The following PCSK2 variants were observed in gnomAD, a reference collection of about 807,000 sequenced individuals.
PCSK2 encodes neuroendocrine convertase 2.
In PCSK2, 14 loss-of-function variants were observed where a neutral mutation model predicts 69.7. The observed-to-expected ratio is 0.20, with a 90% CI of 0.13 to 0.31. The LOEUF is 0.31. Among genes scored for constraint, PCSK2 ranks in the 10% least tolerant of loss-of-function variants. The probability of loss-of-function intolerance (pLI) is 1.00; values close to 1 mark genes in which losing one functional copy is unlikely to be tolerated. For synonymous variants in PCSK2, 307 were observed against 320.7 expected, an observed-to-expected ratio of 0.96 and a Z score of 0.46; for missense variants, 544 against 842.5, an observed-to-expected ratio of 0.65 and a Z score of 4.39.
chr20:17,476,245 ACT>A (rs2033287023), intron 11 of PCSK2, among the ~76,000 whole-genome samples: 1 of 151,932 alleles, frequency 6.6e-6, no homozygotes, highest in East Asian at 1.9e-4. Flanking sequence ...AGGCCAAGAG[ACT>A]CTCTGCCTGT....
intron 9 of PCSK2, among the ~76,000 whole-genome samples, chr20:17,455,924 A>G (rs950338584): frequency 2.6e-5 from 4 of 152,312 alleles, no homozygotes; most frequent in South Asian, 4.1e-4. Context: ...TTTCATCTTA[A>G]TCTTCTTGGG....
At chr20:17,385,657 C>T (rs2031214866) in intron 5 of PCSK2, among the ~76,000 whole-genome samples, 1 of 152,136 alleles carries the variant, frequency 6.6e-6, no homozygotes, top group African/African-American at 2.4e-5. Flanking sequence ...GGGATTCCTC[C>T]AAAAGCTGAC....
At chr20:17,422,485 T>C (rs773566085) in intron 6 of PCSK2, among the ~76,000 whole-genome samples, 7 of 152,174 alleles carry the variant, frequency 4.6e-5, no homozygotes, top group Non-Finnish European at 7.3e-5. Flanking sequence ...AGATATCATA[T>C]CAAATTAATA....
At chr20:17,392,157 CT>C (rs1463637187) in intron 5 of PCSK2, among the ~76,000 whole-genome samples, 1 of 152,130 alleles carries the variant, frequency 6.6e-6, no homozygotes, top group Non-Finnish European at 1.5e-5. Context: ...GAGTCAAACA[CT>C]TTCTAAACTC....
intron 10 of PCSK2, chr20:17,464,460 C>G (rs2033065584): frequency 6.6e-6 from 1 of 152,146 alleles, no homozygotes; most frequent in Admixed American, 6.5e-5. Flanking sequence ...CCTTGAAGAA[C>G]TGGTACCCTC....
intron 2 of PCSK2, among the ~76,000 whole-genome samples, chr20:17,323,380 C>T (rs890690311): frequency 6.6e-6 from 1 of 152,162 alleles, no homozygotes; most frequent in Non-Finnish European, 1.5e-5. Flanking sequence ...ATGCCAACAC[C>T]TTGATCTCGG....
At chr20:17,276,808 C>A (rs915199386) in intron 2 of PCSK2, among the ~76,000 whole-genome samples, 1 of 152,002 alleles carries the variant, frequency 6.6e-6, no homozygotes, top group Non-Finnish European at 1.5e-5. Context: ...TGATTGTATA[C>A]CTAGAAAACC....
intron 2 of PCSK2, among the ~76,000 whole-genome samples, chr20:17,268,064 A>ATATATATATATATATAG (rs1987702749): frequency 7.0e-5 from 6 of 86,110 alleles, no homozygotes; most frequent in Admixed American, 5.8e-4. Context: ...TATATATATA[A>ATATATATATATATATAG]TGCATTTATA....
chr20:17,267,693 G>T (rs910811970), intron 2 of PCSK2, among the ~76,000 whole-genome samples: 4 of 152,080 alleles, frequency 2.6e-5, no homozygotes, highest in Non-Finnish European at 5.9e-5. Context: ...TAAATGATGG[G>T]TACTGTTCGT....
At chr20:17,379,823 C>A (rs2031038512) in intron 5 of PCSK2, among the ~76,000 whole-genome samples, 1 of 152,180 alleles carries the variant, frequency 6.6e-6, no homozygotes, top group Admixed American at 6.5e-5. Context: ...GAAAGACTAT[C>A]CTGGGTGGGC....
chr20:17,459,702 A>T (rs530807862), intron 10 of PCSK2, among the ~76,000 whole-genome samples: 4 of 152,322 alleles, frequency 2.6e-5, no homozygotes, highest in Admixed American at 2.6e-4. Context: ...AAGTTTTTTA[A>T]AAAATACATT....
chr20:17,439,532 A>G (rs1231091816), intron 8 of PCSK2, among the ~76,000 whole-genome samples: 1 of 152,160 alleles, frequency 6.6e-6, no homozygotes, highest in Non-Finnish European at 1.5e-5. Flanking sequence ...AAGCCTCTGA[A>G]TGCTAGGCAA....
At position 17,246,813 on chromosome 20, in the gene PCSK2, G is replaced by C. The variant is rs550236273; in HGVS notation, c.178-13427G>C. The stretch of plus-strand genomic sequence containing the variant: ...AATAATTCTGCTTGAAAAAAAAAAA[G>C]TGGTTTCTCTTTAGTGATGGAAATA... On this transcript the variant is annotated intron_variant, in intron 1 of 11. Transcript: ENST00000262545. 1.9e-4 allele frequency among the ~76,000 whole-genome samples: 28 copies of C among 150,054 alleles called. 1 individual carries two copies. Among genetic ancestry groups the C allele is most frequent in the Middle Eastern group, 6.8e-3 (2 of 294 alleles).
Position 17,337,037 on chromosome 20 carries a change from A to G in PCSK2, c.283-21290A>G, listed in dbSNP as rs142553537. Among the ~76,000 whole-genome samples the G allele has an allele frequency of 4.7e-3, 711 of 152,264 alleles. 2 individuals carry two copies. Among genetic ancestry groups the G allele is most frequent in the Non-Finnish European group, 6.5e-3 (443 of 68,028 alleles). On this transcript the variant is annotated intron_variant, in intron 2 of 11. Transcript: ENST00000262545. Reference sequence around the variant, plus strand: ...AACCATGCATCAACATTAGGTTGCTATTGACACCCAAGGAAACTGATGTGT... The same window carrying G: ...AACCATGCATCAACATTAGGTTGCTGTTGACACCCAAGGAAACTGATGTGT...
At chr20:17,271,776 T>C (rs896669868) in intron 2 of PCSK2, among the ~76,000 whole-genome samples, 1 of 152,124 alleles carries the variant, frequency 6.6e-6, no homozygotes, top group Non-Finnish European at 1.5e-5. Flanking sequence ...TCTTTTATCT[T>C]TTTAAAAAAA....
At chr20:17,337,610 C>T (rs1990389949) in intron 2 of PCSK2, among the ~76,000 whole-genome samples, 1 of 151,952 alleles carries the variant, frequency 6.6e-6, no homozygotes, top group African/African-American at 2.4e-5. Context: ...TTTGTTTTCC[C>T]TGAAATAAAT....
At chr20:17,378,806 A>G (rs2123248503) in intron 5 of PCSK2, among the ~76,000 whole-genome samples, 1 of 152,358 alleles carries the variant, frequency 6.6e-6, no homozygotes, top group East Asian at 1.9e-4. Context: ...AAAGTGTAGC[A>G]ATGTTTACTG....
intron 11 of PCSK2, among the ~76,000 whole-genome samples, chr20:17,470,366 C>T (rs779471526): frequency 2.0e-5 from 3 of 152,156 alleles, no homozygotes; most frequent in Non-Finnish European, 2.9e-5. Flanking sequence ...TCTTGGACAG[C>T]CATGTCTAAG....
At position 17,310,482 on chromosome 20, in the gene PCSK2, C is replaced by T. The variant is rs574102057; in HGVS notation, c.283-47845C>T. 1.7e-4 allele frequency among the ~76,000 whole-genome samples: 26 copies of T among 152,080 alleles called. No individual in the cohort carries two copies. In the East Asian group the frequency reaches 5.0e-3, roughly 29 times the overall value. ...ATAGCCAACACTGGTTGAGAACTTG[C>T]CTTGTTCCTCTTATCTTGACCTCTG... On this transcript the variant is annotated intron_variant, in intron 2 of 11. Transcript: ENST00000262545.
Sources: allele counts gnomAD v4.1 joint callset (sites outside exome capture counted in the v4.1 genomes callset), GRCh38; gene constraint gnomAD v4.1.1; transcripts MANE v1.5; gene names NCBI Gene and HGNC (gene_info 2026-07-23, HGNC 2026-07-21).